TMTC1: variants seen among roughly 807,000 people sequenced by gnomAD.
TMTC1 encodes the protein transmembrane O-mannosyltransferase targeting cadherins 1.
A neutral mutation model predicts 104.8 loss-of-function variants in TMTC1; 73 were observed. That is an observed-to-expected ratio of 0.70 (90% CI 0.58 to 0.85). The LOEUF (loss-of-function observed/expected upper bound fraction) is 0.85. TMTC1 is among the 40% of genes least tolerant of loss of function. The pLI, the probability that TMTC1 is intolerant of heterozygous loss-of-function variation, is 0.00. For synonymous variants in TMTC1, 434 were observed against 428.7 expected (o/e 1.01, Z -0.15); for missense variants, 1,035 against 1,096.1 (o/e 0.94, Z 0.79).
chr12:29,711,319 A>C (rs997247545), intron 5 of TMTC1, among the ~76,000 whole-genome samples: 3 of 152,174 alleles, frequency 2.0e-5, no homozygotes, highest in Non-Finnish European at 4.4e-5. Flanking sequence ...AAATGTATTC[A>C]GGAACAAGTT....
rs772669901 is a variant in TMTC1, at chr12:29,755,737, A to T, written c.703T>A (p.Phe235Ile). ...VFGVCLVYDL[F>I]SLSNKQDKSS... Reference sequence around the variant, plus strand: ...TTGTCTTGCTTGTTGGAAAGGGAAAAGAGGTCATAAACCAAGCACACTCCA... The same window carrying T: ...TTGTCTTGCTTGTTGGAAAGGGAAATGAGGTCATAAACCAAGCACACTCCA... The change falls in exon 4 of 18, where the codon TTT becomes ATT. Residue 235 changes from phenylalanine (F) to isoleucine (I), a missense_variant. By Grantham distance (21) the Phe-to-Ile change is conservative. Coordinates refer to ENST00000539277, the MANE Select transcript of TMTC1 (RefSeq NM_001193451.2). 3.7e-6 allele frequency: 6 copies of T among 1,614,062 alleles called. No homozygotes were observed. The highest frequency in any genetic ancestry group is 5.1e-6 in the Non-Finnish European group (6 of 1,179,968).
At chr12:29,637,119 CACACAA>C (rs1270845627) in intron 5 of TMTC1, among the ~76,000 whole-genome samples, 122 of 137,344 alleles carry the variant, frequency 8.9e-4, no homozygotes, top group African/African-American at 3.2e-3. Flanking sequence ...CACACACACA[CACACAA>C]AAGAACAACA....
chr12:29,713,500 G>A (rs904901144), intron 5 of TMTC1, among the ~76,000 whole-genome samples: 1 of 151,842 alleles, frequency 6.6e-6, no homozygotes, highest in African/African-American at 2.4e-5. Flanking sequence ...AAAATATGAG[G>A]TCACTGAGTT....
chr12:29,541,004 T>C (rs1020702247), intron 10 of TMTC1, among the ~76,000 whole-genome samples: 17 of 142,762 alleles, frequency 1.2e-4, no homozygotes, highest in Admixed American at 5.7e-4. Context: ...CAAAAAAAAA[T>C]AAAAACAAAC....
intron 6 of TMTC1, among the ~76,000 whole-genome samples, chr12:29,615,620 C>T (rs777874529): frequency 6.6e-6 from 1 of 152,054 alleles, no homozygotes; most frequent in African/African-American, 2.4e-5. Flanking sequence ...TTGCAGGGTC[C>T]CTCATCCATC....
At chr12:29,570,395 G>C (rs11050288) in intron 9 of TMTC1, among the ~76,000 whole-genome samples, 28,558 of 152,082 alleles carry the variant, frequency 0.19, 3,135 homozygotes, top group East Asian at 0.38. Flanking sequence ...TGAAAGAATA[G>C]AATTCTTGAT....
intron 10 of TMTC1, among the ~76,000 whole-genome samples, chr12:29,537,402 T>G (rs541992792): frequency 6.6e-6 from 1 of 152,340 alleles, no homozygotes; most frequent in African/African-American, 2.4e-5. Context: ...ATACTCATTT[T>G]TCTAATGAGA....
chr12:29,567,306 A>C (rs538002021), intron 9 of TMTC1, among the ~76,000 whole-genome samples: 2 of 152,256 alleles, frequency 1.3e-5, no homozygotes, highest in Non-Finnish European at 2.9e-5. Context: ...TAAGATAGCC[A>C]GAAAAAGTGA....
intron 5 of TMTC1, among the ~76,000 whole-genome samples, chr12:29,672,885 A>G (rs1194311242): frequency 6.6e-6 from 1 of 152,178 alleles, no homozygotes; most frequent in Non-Finnish European, 1.5e-5. Flanking sequence ...TAAGGAGGTA[A>G]ACAATGTAGA....
chr12:29,709,129 T>C (rs879801001), intron 5 of TMTC1, among the ~76,000 whole-genome samples: 1 of 152,218 alleles, frequency 6.6e-6, no homozygotes, highest in Non-Finnish European at 1.5e-5. Context: ...ATTCCATCTA[T>C]AACACACTCA....
intron 5 of TMTC1, among the ~76,000 whole-genome samples, chr12:29,723,322 A>T (rs1942291337): frequency 6.6e-6 from 1 of 152,250 alleles, no homozygotes; most frequent in Non-Finnish European, 1.5e-5. Flanking sequence ...TAATGAAGAC[A>T]ACTATAAAGA....
rs555493693 is a variant in TMTC1 at position 29,748,083 on chromosome 12, T to C, written c.938+3583A>G. Reference sequence around the variant, plus strand: ...CAAAGGTATGACACTGTTTTTTGTTTTTTGTTTTCCAAAGAGAAAACATAT... The same window carrying C: ...CAAAGGTATGACACTGTTTTTTGTTCTTTGTTTTCCAAAGAGAAAACATAT... On this transcript the variant is annotated intron_variant, in intron 5 of 17. Coordinates refer to ENST00000539277, the MANE Select transcript of TMTC1 (RefSeq NM_001193451.2). Among the ~76,000 whole-genome samples the C allele has an allele frequency of 2.6e-5, 4 of 152,352 alleles. No homozygotes were observed. In the South Asian group the frequency reaches 8.3e-4, roughly 32 times the overall value.
At chr12:29,707,004 T>C (rs568492100) in intron 5 of TMTC1, among the ~76,000 whole-genome samples, 14 of 152,298 alleles carry the variant, frequency 9.2e-5, no homozygotes, top group African/African-American at 2.9e-4. Flanking sequence ...GTTAACAGTG[T>C]TCCAACCCTG....
In TMTC1 at chr12:29,508,295, A is replaced by C. The variant is rs941246990; in HGVS notation, c.2509-1309T>G. On this transcript the variant is annotated intron_variant, in intron 17 of 17. Coordinates refer to ENST00000539277, the MANE Select transcript of TMTC1 (RefSeq NM_001193451.2). ...ACAAGTGGGAACTTGCATTTGCTAT[A>C]TTCAATTATTATTTTTTTCAATTCA... is the stretch of plus-strand genomic sequence containing the variant. Among the ~76,000 whole-genome samples, 3 of 152,358 alleles carry C rather than the reference A, an allele frequency of 2.0e-5. No individual in the cohort carries two copies. In the East Asian group the frequency reaches 5.8e-4, roughly 29 times the overall value.
intron 9 of TMTC1, among the ~76,000 whole-genome samples, chr12:29,559,895 T>G (rs1034534049): frequency 3.3e-5 from 5 of 152,156 alleles, no homozygotes; most frequent in African/African-American, 1.2e-4. Context: ...AAAGGATTCT[T>G]AACAACCAGG....
At chr12:29,546,439 C>T (rs750672934) in intron 10 of TMTC1, among the ~76,000 whole-genome samples, 4 of 152,092 alleles carry the variant, frequency 2.6e-5, no homozygotes, top group Non-Finnish European at 5.9e-5. Context: ...GCTAAGGAGT[C>T]ACCAAGAAGG....
intron 5 of TMTC1, among the ~76,000 whole-genome samples, chr12:29,666,779 A>G (rs1023070553): frequency 6.6e-6 from 1 of 152,210 alleles, no homozygotes; most frequent in Non-Finnish European, 1.5e-5. Flanking sequence ...TGTCAGCTCC[A>G]GGTAGCAAAC....
At chr12:29,509,143 A>C (rs2136127879) in intron 17 of TMTC1, among the ~76,000 whole-genome samples, 1 of 152,288 alleles carries the variant, frequency 6.6e-6, no homozygotes, top group East Asian at 1.9e-4. Context: ...GAATATTTCC[A>C]TTGTCACAAA....
At chr12:29,716,672 G>C (rs1488708687) in intron 5 of TMTC1, among the ~76,000 whole-genome samples, 1 of 151,960 alleles carries the variant, frequency 6.6e-6, no homozygotes, top group Non-Finnish European at 1.5e-5. Flanking sequence ...AATTCTACAA[G>C]CCAAATGGAA....
Sources: allele counts gnomAD v4.1 joint callset (sites outside exome capture counted in the v4.1 genomes callset), GRCh38; gene constraint gnomAD v4.1.1; transcripts MANE v1.5; gene names NCBI Gene and HGNC (gene_info 2026-07-23, HGNC 2026-07-21).